Variants in INPP4B observed in about 807,000 individuals in gnomAD.
INPP4B encodes the protein inositol polyphosphate-4-phosphatase type II B, also known as inositol polyphosphate 4-phosphatase type II.
A neutral mutation model predicts 122.5 loss-of-function variants in INPP4B; 55 were observed. The observed-to-expected ratio is 0.45, with a 90% CI of 0.36 to 0.56. The LOEUF (loss-of-function observed/expected upper bound fraction) is 0.56. INPP4B is among the 20% of genes least tolerant of loss of function. The pLI is 0.00. For synonymous variants in INPP4B, 403 were observed against 388.7 expected, an observed-to-expected ratio of 1.04 and a Z score of -0.43; for missense variants, 1,000 against 1,097.7, an observed-to-expected ratio of 0.91 and a Z score of 1.26.
At chr4:142,205,668 T>C (rs920841035) in intron 14 of INPP4B, among the ~76,000 whole-genome samples, 9 of 152,252 alleles carry the variant, frequency 5.9e-5, no homozygotes, top group African/African-American at 1.9e-4. Flanking sequence ...AAAGATTAAA[T>C]AGCAGACTCA....
chr4:142,439,263 G>A (rs769139438), intron 3 of INPP4B, among the ~76,000 whole-genome samples: 2 of 152,164 alleles, frequency 1.3e-5, no homozygotes, highest in Non-Finnish European at 2.9e-5. Context: ...TCTTAAAGCT[G>A]TACTATAGTC....
At chr4:142,366,965 A>G (rs916416027) in intron 7 of INPP4B, among the ~76,000 whole-genome samples, 1 of 152,178 alleles carries the variant, frequency 6.6e-6, no homozygotes, top group African/African-American at 2.4e-5. Flanking sequence ...AAGAAGTGCT[A>G]GTGAAACACC....
intron 22 of INPP4B, among the ~76,000 whole-genome samples, chr4:142,110,026 A>G (rs1789215624): frequency 6.6e-6 from 1 of 152,204 alleles, no homozygotes; most frequent in Non-Finnish European, 1.5e-5. Context: ...ACTGTAATCA[A>G]CTGGTATTTA....
chr4:142,668,050 C>A (rs1214240360), intron 2 of INPP4B, among the ~76,000 whole-genome samples: 6 of 151,970 alleles, frequency 3.9e-5, no homozygotes, highest in African/African-American at 1.4e-4. Flanking sequence ...CCAGCATTAC[C>A]CTGATATCAA....
chr4:142,715,210 T>G (rs947182283), intron 2 of INPP4B, among the ~76,000 whole-genome samples: 2 of 152,238 alleles, frequency 1.3e-5, no homozygotes, highest in African/African-American at 4.8e-5. Flanking sequence ...ATGTGTGATT[T>G]GCAAATTGGA....
At chr4:142,438,574 T>G (rs754890959) in intron 3 of INPP4B, among the ~76,000 whole-genome samples, 1 of 152,172 alleles carries the variant, frequency 6.6e-6, no homozygotes. Flanking sequence ...AAGAGTTAAA[T>G]GTAAAACCTG....
chr4:142,069,789 A>C (rs2152476283), intron 25 of INPP4B, among the ~76,000 whole-genome samples: 1 of 152,338 alleles, frequency 6.6e-6, no homozygotes, highest in South Asian at 2.1e-4. Flanking sequence ...ACCAGGAAGA[A>C]GTTGAATCCC....
At chr4:142,358,964 G>A (rs1481764359) in intron 7 of INPP4B, among the ~76,000 whole-genome samples, 1 of 151,836 alleles carries the variant, frequency 6.6e-6, no homozygotes, top group Non-Finnish European at 1.5e-5. Flanking sequence ...TTGCTGTTTC[G>A]GATACTTTCC....
At chr4:142,356,563 G>A (rs140598684) in intron 7 of INPP4B, among the ~76,000 whole-genome samples, 3 of 151,896 alleles carry the variant, frequency 2.0e-5, no homozygotes, top group East Asian at 3.9e-4. Context: ...AGTTAGTAAG[G>A]TTTCAGTTGT....
chr4:142,144,335 A>C (rs1304848261), intron 18 of INPP4B, among the ~76,000 whole-genome samples: 1 of 151,982 alleles, frequency 6.6e-6, no homozygotes, highest in Non-Finnish European at 1.5e-5. Context: ...TAAACAAAAA[A>C]TATAACAAAA....
At chr4:142,038,588 C>G (rs989835558) in intron 25 of INPP4B, among the ~76,000 whole-genome samples, 1 of 152,136 alleles carries the variant, frequency 6.6e-6, no homozygotes, top group Admixed American at 6.6e-5. Flanking sequence ...TTCCTGTAAA[C>G]TAGAGGATAC....
At chr4:142,733,651 T>A (rs1766411651) in intron 1 of INPP4B, among the ~76,000 whole-genome samples, 1 of 152,164 alleles carries the variant, frequency 6.6e-6, no homozygotes, top group African/African-American at 2.4e-5. Flanking sequence ...TGTGGAAGAA[T>A]GGTACTGTCA....
At chr4:142,521,247 T>C (rs1253816062) in intron 2 of INPP4B, among the ~76,000 whole-genome samples, 2 of 151,948 alleles carry the variant, frequency 1.3e-5, no homozygotes, top group Non-Finnish European at 2.9e-5. Flanking sequence ...TGTTAATAGA[T>C]GTTTCATTAA....
chr4:142,052,398 T>A (rs186834107), intron 25 of INPP4B, among the ~76,000 whole-genome samples: 15 of 152,152 alleles, frequency 9.9e-5, no homozygotes, highest in Admixed American at 8.5e-4. Flanking sequence ...ATAACCCATA[T>A]TCTTTTGTGT....
intron 2 of INPP4B, among the ~76,000 whole-genome samples, chr4:142,513,659 C>T (rs893246468): frequency 6.6e-5 from 10 of 152,136 alleles, no homozygotes; most frequent in African/African-American, 2.2e-4. Flanking sequence ...CCACTTGCCT[C>T]GGCCTCCCAA....
intron 7 of INPP4B, among the ~76,000 whole-genome samples, chr4:142,330,953 TTTG>T (rs1348374439): frequency 6.6e-6 from 1 of 152,210 alleles, no homozygotes; most frequent in Non-Finnish European, 1.5e-5. Flanking sequence ...TTTTCATAAA[TTTG>T]TCCTATCAAA....
intron 1 of INPP4B, among the ~76,000 whole-genome samples, chr4:142,783,513 C>T (rs113432209): frequency 9.3e-4 from 142 of 152,214 alleles, no homozygotes; most frequent in African/African-American, 3.3e-3. Context: ...CGAAGCACCA[C>T]GCATAGACAG....
chr4:142,055,694 CT>C (rs989398539), intron 25 of INPP4B, among the ~76,000 whole-genome samples: 31 of 150,638 alleles, frequency 2.1e-4, no homozygotes, highest in African/African-American at 6.8e-4. Context: ...TCTACTAAAT[CT>C]TTTTTTTTTG....
intron 2 of INPP4B, chr4:142,518,900 G>C (rs1825743362): frequency 6.6e-6 from 1 of 152,194 alleles, no homozygotes. Flanking sequence ...GAGCTGCCAA[G>C]CTAGAATCAC....
Sources: allele counts gnomAD v4.1 joint callset (sites outside exome capture counted in the v4.1 genomes callset), GRCh38; gene constraint gnomAD v4.1.1; transcripts MANE v1.5; gene names NCBI Gene and HGNC (gene_info 2026-07-23, HGNC 2026-07-21).